TNIP3: variants seen among roughly 807,000 people sequenced by gnomAD.
TNIP3 encodes TNFAIP3 interacting protein 3.
Under a neutral mutation model 54.1 loss-of-function variants are expected in TNIP3, and 34 were observed. The observed-to-expected ratio is 0.63, with a 90% confidence interval of 0.48 to 0.84. The LOEUF is 0.84. Ranked by LOEUF, TNIP3 falls within the 40% of genes least tolerant of loss-of-function variation. The probability of loss-of-function intolerance (pLI) is 0.00; values close to 1 mark genes in which losing one functional copy is unlikely to be tolerated. For synonymous variants in TNIP3, 134 were observed against 136.8 expected (o/e 0.98, Z 0.14); for missense variants, 366 against 387.6 (o/e 0.94, Z 0.47).
intron 2 of TNIP3, among the ~76,000 whole-genome samples, chr4:121,196,996 T>G (rs938932755): frequency 6.6e-6 from 1 of 151,966 alleles, no homozygotes; most frequent in African/African-American, 2.4e-5. Flanking sequence ...GTTTAAAGCA[T>G]TCAAGAACAA....
At position 121,186,033 on chromosome 4, in the gene TNIP3, C is replaced by T. The variant is rs556250212; in HGVS notation, c.69-3237G>A. Among the ~76,000 whole-genome samples, 19 of 152,306 alleles carry T rather than the reference C, an allele frequency of 1.2e-4. No individual in the cohort carries two copies. The East Asian group carries it at 3.3e-3, about 26-fold the overall frequency. ...AGAGCTGGGGCCCTGCGTCCTCTCA[C>T]GTGAGCCTGGTTCAGCACACGTCCC... is the stretch of plus-strand genomic sequence containing the variant. On this transcript the variant is annotated intron_variant, in intron 2 of 12. Coordinates refer to the TNIP3 transcript ENST00000507879.
chr4:121,184,504 A>G (rs1724899589), intron 2 of TNIP3, among the ~76,000 whole-genome samples: 1 of 152,204 alleles, frequency 6.6e-6, no homozygotes, highest in Non-Finnish European at 1.5e-5. Context: ...AATGAATCAT[A>G]TGGGTAGAGA....
chr4:121,161,196 T>C lies in TNIP3; in HGVS notation c.87A>G (p.Arg29=), dbSNP rs765354854. 1.9e-6 allele frequency: 3 copies of C among 1,585,932 alleles called. No individual in the cohort carries two copies. The East Asian group carries it at 6.8e-5, about 36-fold the overall frequency. ...GTTCAAGAGAATTCATCAAGTTCTT[T>C]CTTGTTGATGGTTCAGCACACTTAG... ...EHKECAEPST[R]KNLMNSLEQK... Residue 29 remains arginine (R), a synonymous_variant, in exon 2 of 11, where the codon AGA becomes AGG. Transcript: ENST00000057513.
intron 2 of TNIP3, among the ~76,000 whole-genome samples, chr4:121,195,547 C>T (rs928333046): frequency 6.6e-6 from 1 of 152,058 alleles, no homozygotes; most frequent in African/African-American, 2.4e-5. Context: ...GTCAAACAAT[C>T]GAATTCAGAT....
chr4:121,164,174 A>G lies in TNIP3; in HGVS notation c.-49T>C, dbSNP rs746619880. The G allele has an allele frequency of 1.9e-6, 3 of 1,612,454 alleles. No individual in the cohort carries two copies. Among genetic ancestry groups the G allele is most frequent in the Admixed American group, 1.7e-5 (1 of 59,928 alleles). On this transcript the variant is annotated 5_prime_UTR_variant, in exon 1 of 11. Transcript: ENST00000057513. ...TGGAAAGCAGAAAGAAAAACAGGGG[A>G]AAAGTCTCTTAAGGTATATTTTAGG...
chr4:121,132,591 T>A lies in TNIP3; in HGVS notation c.*40A>T, dbSNP rs752973030. On this transcript the variant is annotated 3_prime_UTR_variant, in exon 11 of 11. Transcript: ENST00000057513. ...CAAAGAAGAGGGTCCTCAGCCACGC[T>A]CCCTCGTTGCCTGTTGTCTCTCTCT... 10 of 1,601,284 alleles carry A rather than the reference T, an allele frequency of 6.2e-6. No individual in the cohort carries two copies. The highest frequency in any genetic ancestry group is 8.6e-6 in the Non-Finnish European group (10 of 1,168,876).
chr4:121,177,860 T>C (rs899389348), intron 3 of TNIP3, among the ~76,000 whole-genome samples: 10 of 152,192 alleles, frequency 6.6e-5, no homozygotes, highest in Non-Finnish European at 1.2e-4. Flanking sequence ...AACTAAACCA[T>C]GTTTACTCAA....
chr4:121,176,365 CT>C lies in TNIP3; in HGVS notation c.189+6310del, dbSNP rs111340291. On this transcript the variant is annotated intron_variant, in intron 3 of 12. Coordinates refer to the TNIP3 transcript ENST00000507879. Reference sequence around the variant, plus strand: ...AACAGATCCTCACACAACAATGCAACTTTTTTTTTTCTAGCAGAAAAAAATA... The same window carrying C: ...AACAGATCCTCACACAACAATGCAACTTTTTTTTTCTAGCAGAAAAAAATA... 9.7e-3 allele frequency among the ~76,000 whole-genome samples: 1,456 copies of C among 150,254 alleles called. 26 individuals carry two copies. Among genetic ancestry groups the C allele is most frequent in the African/African-American group, 0.032 (1,333 of 41,098 alleles).
rs138649839 is a variant in TNIP3 at position 121,150,207 on chromosome 4, C to A, written c.505G>T (p.Ala169Ser). 6.5e-5 allele frequency: 105 copies of A among 1,610,292 alleles called. No homozygotes were observed. Among genetic ancestry groups the A allele is most frequent in the Non-Finnish European group, 8.3e-5 (98 of 1,176,918 alleles). ...GAAAATGAACACTTGATATTCAAGG[C>A]ATCCTGAAGAGCCTACGTAATAAGA... Reference protein sequence around the residue: ...IKRLNKALQDALNIKCSFSED... With the variant: ...IKRLNKALQDSLNIKCSFSED... Residue 169 changes from alanine (A) to serine (S), a missense_variant, in exon 6 of 11, where the codon GCC becomes TCC. Coordinates refer to ENST00000057513, the MANE Select transcript of TNIP3 (RefSeq NM_024873.6).
intron 2 of TNIP3, among the ~76,000 whole-genome samples, chr4:121,202,325 A>G (rs879467848): frequency 3.3e-5 from 5 of 152,196 alleles, no homozygotes; most frequent in Non-Finnish European, 5.9e-5. Flanking sequence ...AGGACTCCCT[A>G]TTCAACAAAT....
chr4:121,189,688 AC>A (rs1725200889), intron 2 of TNIP3, among the ~76,000 whole-genome samples: 1 of 152,206 alleles, frequency 6.6e-6, no homozygotes, highest in South Asian at 2.1e-4. Context: ...TTTTCCTCGG[AC>A]AAGAAGGAAC....
chr4:121,157,069 G>A, intron 4 of TNIP3, 25 bp downstream of exon 4: 1 of 1,612,918 alleles, frequency 6.2e-7, no homozygotes, highest in Non-Finnish European at 8.5e-7. Flanking sequence ...GATCCTCCGG[G>A]CTCGAGGACC....
rs756988704 is a variant in TNIP3 at position 121,164,206 on chromosome 4, G to A, written c.-81C>T. 3.6e-5 allele frequency: 57 copies of A among 1,596,262 alleles called. No homozygotes were observed. The highest frequency in any genetic ancestry group is 4.3e-5 in the Non-Finnish European group (51 of 1,173,326). ...TCTTAAGGTATATTTTAGGGTGAGA[G>A]CAAGTATACAAAATTTAAAAAACAC... On this transcript the variant is annotated 5_prime_UTR_variant, in exon 1 of 11. Transcript: ENST00000057513.
chr4:121,164,527 G>A (rs1270289717), upstream of TNIP3, among the ~76,000 whole-genome samples: 1 of 152,172 alleles, frequency 6.6e-6, no homozygotes, highest in Non-Finnish European at 1.5e-5. Context: ...GGCAATCCAA[G>A]TGTTTCCTCA....
At chr4:121,143,232 G>A (rs757763235) in intron 7 of TNIP3, among the ~76,000 whole-genome samples, 1 of 152,138 alleles carries the variant, frequency 6.6e-6, no homozygotes, top group Non-Finnish European at 1.5e-5. Context: ...TTTTATAGAT[G>A]AGAACACTAA....
At chr4:121,151,591 C>T (rs1729761817) in intron 5 of TNIP3, among the ~76,000 whole-genome samples, 1 of 151,070 alleles carries the variant, frequency 6.6e-6, no homozygotes, top group Admixed American at 6.6e-5. Flanking sequence ...CAGAATAGTT[C>T]AATTTTTTTT....
In TNIP3 at chr4:121,138,688, T is replaced by C; in HGVS notation, c.886-4A>G. 6.2e-7 allele frequency: 1 copy of C among 1,613,386 alleles called. No individual in the cohort carries two copies. Among genetic ancestry groups the C allele is most frequent in the Non-Finnish European group, 8.5e-7 (1 of 1,179,308 alleles). On this transcript the variant is annotated splice_polypyrimidine_tract_variant and splice_region_variant and intron_variant, in intron 9 of 10. Transcript: ENST00000057513. The stretch of plus-strand genomic sequence containing the variant: ...GAGCATACCACTGATAGTCTGGCTG[T>C]GTGGAACAATACAACATTATTATAG...
At chr4:121,224,946 G>A (rs1727195515) in intron 1 of TNIP3, among the ~76,000 whole-genome samples, 1 of 152,028 alleles carries the variant, frequency 6.6e-6, no homozygotes, top group Non-Finnish European at 1.5e-5. Context: ...CATACACTGT[G>A]TCCGAGAGTC....
chr4:121,142,848 T>C, intron 7 of TNIP3, 72 bp from the exon 8 acceptor site: 3 of 1,329,892 alleles, frequency 2.3e-6, no homozygotes, highest in Non-Finnish European at 3.2e-6. Context: ...ACTCTTGACC[T>C]ACTCAAGTGT....
Sources: allele counts gnomAD v4.1 joint callset (sites outside exome capture counted in the v4.1 genomes callset), GRCh38; gene constraint gnomAD v4.1.1; transcripts MANE v1.5; gene names NCBI Gene and HGNC (gene_info 2026-07-23, HGNC 2026-07-21).